Variants in ANGPT1 observed in about 807,000 individuals in gnomAD.
ANGPT1 encodes angiopoietin 1.
In ANGPT1, 17 loss-of-function variants were observed where a neutral mutation model predicts 62.2. The ratio of observed to expected loss-of-function variants is 0.27; its 90% CI spans 0.19 to 0.41. ANGPT1 has a LOEUF of 0.41. ANGPT1 is among the 10% of genes least tolerant of loss of function. The pLI, the probability that ANGPT1 is intolerant of heterozygous loss-of-function variation, is 1.00. For missense variants in ANGPT1, 478 were observed against 594.9 expected, an observed-to-expected ratio of 0.80 and a Z score of 2.04; for synonymous variants, 199 against 198.9, an observed-to-expected ratio of 1.00 and a Z score of 0.00.
intron 1 of ANGPT1, among the ~76,000 whole-genome samples, chr8:107,384,685 A>T (rs953103326): frequency 1.3e-5 from 2 of 152,144 alleles, no homozygotes; most frequent in African/African-American, 4.8e-5. Flanking sequence ...AGTCTTCCTC[A>T]TGAAGTCTTT....
intron 1 of ANGPT1, among the ~76,000 whole-genome samples, chr8:107,448,045 T>G (rs573369274): frequency 2.6e-5 from 4 of 152,338 alleles, no homozygotes; most frequent in South Asian, 2.1e-4. Flanking sequence ...ACTTGCTGTT[T>G]GTGTGAGTAC....
chr8:107,412,874 G>C (rs1421979817), intron 1 of ANGPT1, among the ~76,000 whole-genome samples: 1 of 152,104 alleles, frequency 6.6e-6, no homozygotes, highest in Non-Finnish European at 1.5e-5. Flanking sequence ...CTCATAGTAG[G>C]CTTCCATGAA....
At chr8:107,377,575 G>A (rs1816554174) in intron 1 of ANGPT1, among the ~76,000 whole-genome samples, 1 of 152,154 alleles carries the variant, frequency 6.6e-6, no homozygotes, top group Non-Finnish European at 1.5e-5. Flanking sequence ...TTTGATGTTT[G>A]GAGAAGTGGA....
At chr8:107,429,097 C>T (rs900574769) in intron 1 of ANGPT1, among the ~76,000 whole-genome samples, 6 of 152,056 alleles carry the variant, frequency 3.9e-5, no homozygotes, top group Admixed American at 1.3e-4. Flanking sequence ...ATATTTAAGA[C>T]GCTTAAGGGA....
At chr8:107,494,053 A>C (rs1341038127) in intron 1 of ANGPT1, among the ~76,000 whole-genome samples, 1 of 137,216 alleles carries the variant, frequency 7.3e-6, no homozygotes, top group East Asian at 2.3e-4. Flanking sequence ...TAGCTAGTGT[A>C]AAATATGTAT....
intron 2 of ANGPT1, among the ~76,000 whole-genome samples, chr8:107,337,765 G>C (rs1815600768): frequency 6.6e-6 from 1 of 151,966 alleles, no homozygotes; most frequent in South Asian, 2.1e-4. Context: ...TCTAAATCTA[G>C]GATTACATCA....
chr8:107,278,183 C>T (rs148624611), intron 7 of ANGPT1, among the ~76,000 whole-genome samples: 61 of 151,974 alleles, frequency 4.0e-4, no homozygotes, highest in African/African-American at 1.4e-3. Flanking sequence ...TCAAGCAATC[C>T]TTCTGCCTCA....
chr8:107,386,199 T>C (rs558598929), intron 1 of ANGPT1, among the ~76,000 whole-genome samples: 1 of 151,894 alleles, frequency 6.6e-6, no homozygotes, highest in African/African-American at 2.4e-5. Context: ...ACTGAGTACA[T>C]GTGGACAAAA....
At chr8:107,361,149 A>T (rs1816152931) in intron 1 of ANGPT1, among the ~76,000 whole-genome samples, 1 of 152,122 alleles carries the variant, frequency 6.6e-6, no homozygotes, top group Non-Finnish European at 1.5e-5. Context: ...TTCTAACATT[A>T]TTATATGCAC....
intron 7 of ANGPT1, among the ~76,000 whole-genome samples, chr8:107,282,245 A>ACATT: frequency 6.6e-6 from 1 of 152,084 alleles, no homozygotes; most frequent in Admixed American, 6.6e-5. Flanking sequence ...TTGCATGAGA[A>ACATT]AATGATGACT....
At chr8:107,333,693 C>A (rs974140097) in intron 3 of ANGPT1, among the ~76,000 whole-genome samples, 2 of 151,974 alleles carry the variant, frequency 1.3e-5, no homozygotes, top group African/African-American at 4.8e-5. Context: ...CCCCTTCTAC[C>A]TGACCCAGAG....
intron 1 of ANGPT1, 112 bp downstream of exon 1, chr8:107,497,150 C>G (rs1009661495): frequency 7.9e-7 from 1 of 1,265,560 alleles, no homozygotes; most frequent in Non-Finnish European, 1.1e-6. Flanking sequence ...AAACACTGCC[C>G]CCCTGGAGCA....
intron 1 of ANGPT1, among the ~76,000 whole-genome samples, chr8:107,379,314 A>G (rs1816590814): frequency 6.6e-6 from 1 of 152,158 alleles, no homozygotes; most frequent in Non-Finnish European, 1.5e-5. Flanking sequence ...AAGGCCTTCT[A>G]GGAGAAAGTC....
At chr8:107,372,950 C>T (rs145761286) in intron 1 of ANGPT1, among the ~76,000 whole-genome samples, 150 of 152,000 alleles carry the variant, frequency 9.9e-4, no homozygotes, top group African/African-American at 3.4e-3. Flanking sequence ...GGGCTAACAA[C>T]ACGAAATTAT....
intron 1 of ANGPT1, among the ~76,000 whole-genome samples, chr8:107,414,047 C>T (rs1302357503): frequency 2.6e-5 from 4 of 152,104 alleles, no homozygotes; most frequent in Non-Finnish European, 5.9e-5. Context: ...TGAAAATCTT[C>T]ATCTGTTCAT....
At chr8:107,262,040 C>CA (rs200002668) in intron 8 of ANGPT1, among the ~76,000 whole-genome samples, 3,186 of 151,782 alleles carry the variant, frequency 0.021, 100 homozygotes, top group African/African-American at 0.073. Flanking sequence ...ACTAAAAATA[C>CA]AAAAATTAGC....
intron 1 of ANGPT1, among the ~76,000 whole-genome samples, chr8:107,370,399 A>G (rs1228034150): frequency 1.8e-5 from 1 of 55,802 alleles, no homozygotes; most frequent in African/African-American, 4.1e-5. Context: ...AAAGAAAGAA[A>G]GAAAGAAAGA....
chr8:107,493,201 T>G (rs1813010289), intron 1 of ANGPT1, among the ~76,000 whole-genome samples: 1 of 150,160 alleles, frequency 6.7e-6, no homozygotes, highest in Admixed American at 6.7e-5. Context: ...TAAGCGACAT[T>G]TACTACACTT....
chr8:107,391,709 C>T (rs940269718), intron 1 of ANGPT1, among the ~76,000 whole-genome samples: 1 of 152,102 alleles, frequency 6.6e-6, no homozygotes, highest in Non-Finnish European at 1.5e-5. Context: ...AGTGTACTTA[C>T]AGAATCATAG....
Sources: gnomAD v4.1 joint callset for allele counts (sites outside exome capture counted in the v4.1 genomes callset) on GRCh38, gnomAD v4.1.1 for gene constraint, MANE v1.5 for transcripts, NCBI Gene and HGNC (gene_info 2026-07-23, HGNC 2026-07-21) for gene names.